Variants in BAZ2A observed in about 807,000 individuals in gnomAD.
The protein encoded by BAZ2A is bromodomain adjacent to zinc finger domain 2A.
A neutral mutation model predicts 199.9 loss-of-function variants in BAZ2A; 34 were observed. That is an observed-to-expected ratio of 0.17 (90% CI 0.13 to 0.23). BAZ2A has a LOEUF of 0.23. BAZ2A is among the 10% of genes least tolerant of loss of function. BAZ2A has a pLI of 1.00. For missense variants in BAZ2A, 2,002 were observed against 2,391.1 expected (o/e 0.84, Z 3.39); for synonymous variants, 857 against 883.9 (o/e 0.97, Z 0.54).
chr12:56,625,868 T>G (rs1157331217), intron 1 of BAZ2A, among the ~76,000 whole-genome samples: 1 of 89,684 alleles, frequency 1.1e-5, no homozygotes, highest in African/African-American at 5.1e-5. Context: ...ACAGCGAAAC[T>G]CCGTCTCAAA....
chr12:56,633,078 C>T (rs1951357417), upstream of BAZ2A, among the ~76,000 whole-genome samples: 1 of 152,110 alleles, frequency 6.6e-6, no homozygotes, highest in Admixed American at 6.6e-5. Flanking sequence ...GCTGAACCTC[C>T]CTCAAGCCAG....
intron 15 of BAZ2A, 73 bp downstream of exon 15, chr12:56,604,512 T>G: frequency 6.8e-7 from 1 of 1,468,590 alleles, no homozygotes; most frequent in Non-Finnish European, 9.2e-7. Context: ...TGAGGACTTC[T>G]GGAAGGCTAC....
Position 56,615,266 on chromosome 12 carries a change from A to C in BAZ2A, c.478T>G (p.Phe160Val). Reference sequence around the variant, plus strand: ...GAATCATACAGTTCTTGTGAATCAAAGTTAAGCCCCATGGGACTCTGGGTA... The same window carrying C: ...GAATCATACAGTTCTTGTGAATCAACGTTAAGCCCCATGGGACTCTGGGTA... ...NGTQSPMGLN[F>V]DSQELYDSFP... The change falls in exon 3 of 29, where the codon TTT (phenylalanine) becomes GTT (valine). Residue 160 changes from phenylalanine (F) to valine (V), a missense_variant. This residue lies in a region of BAZ2A where 641 missense variants were observed against 694.5 expected (regional missense o/e 0.92). Transcript: ENST00000549884. 1 of 1,613,966 alleles carries C rather than the reference A, an allele frequency of 6.2e-7. No homozygotes were observed. Among genetic ancestry groups the C allele is most frequent in the Non-Finnish European group, 8.5e-7 (1 of 1,179,876 alleles).
chr12:56,603,301 C>A, intron 18 of BAZ2A, 58 bp downstream of exon 18: 1 of 1,534,854 alleles, frequency 6.5e-7, no homozygotes, highest in Non-Finnish European at 8.9e-7. Context: ...AAAAAAGAAG[C>A]TGATCAATTC....
At position 56,610,499 on chromosome 12, in the gene BAZ2A, G is replaced by T. The variant is rs1950524706; in HGVS notation, c.1689C>A (p.Arg563=). The T allele has an allele frequency of 1.2e-6, 2 of 1,612,402 alleles. No homozygotes were observed. Among genetic ancestry groups the T allele is most frequent in the South Asian group, 2.2e-5 (2 of 90,732 alleles). Residue 563 remains arginine (R), a synonymous_variant, in exon 8 of 29, where the codon CGC becomes CGA. Transcript: ENST00000549884. ...PLQHGWRREV[R]IKKGSHRWQG... is the part of the protein sequence containing the mutation. Reference sequence around the variant, plus strand: ...GCCATCGGTGGCTGCCCTTCTTGATGCGCACCTCTCTCCGCCACCTGCCAG... The same window carrying T: ...GCCATCGGTGGCTGCCCTTCTTGATTCGCACCTCTCTCCGCCACCTGCCAG...
intron 5 of BAZ2A, among the ~76,000 whole-genome samples, chr12:56,612,692 G>A (rs1020302725): frequency 6.6e-6 from 1 of 151,978 alleles, no homozygotes; most frequent in African/African-American, 2.4e-5. Flanking sequence ...ACACAATCTC[G>A]GCTCACTGCA....
chr12:56,612,954 A>C (rs1018424504), intron 5 of BAZ2A, 61 bp downstream of exon 5: 45 of 1,515,568 alleles, frequency 3.0e-5, no homozygotes, highest in Non-Finnish European at 3.3e-5. Flanking sequence ...TAACTATGAA[A>C]CTTATTCTCT....
chr12:56,622,431 C>G (rs778649071), intron 1 of BAZ2A, among the ~76,000 whole-genome samples: 10 of 152,246 alleles, frequency 6.6e-5, no homozygotes, highest in African/African-American at 2.4e-4. Flanking sequence ...TCCTTATATA[C>G]AATTTGACTC....
At position 56,613,307 on chromosome 12, in the gene BAZ2A, G is replaced by A. The variant is rs899930814; in HGVS notation, c.917-74C>T. On this transcript the variant is annotated intron_variant, in intron 4 of 28. Transcript: ENST00000549884. ...AGAAAGCAAGATTTAAGAAACACTGGTCAGAAAACATCCAATTCTAGTTCC... is the reference window on the plus strand; with the variant it reads ...AGAAAGCAAGATTTAAGAAACACTGATCAGAAAACATCCAATTCTAGTTCC... 1.6e-5 allele frequency: 23 copies of A among 1,428,540 alleles called. No individual in the cohort carries two copies. The African/African-American group carries it at 3.1e-4, about 19-fold the overall frequency. The allele number at this position is 1,428,540 out of a possible 1,614,324, so 88.5% of individuals were successfully genotyped here. A position where few individuals can be genotyped will look rare whatever the true frequency, so the allele number is the denominator to read the frequency against.
Position 56,615,107 on chromosome 12 carries a change from G to T in BAZ2A, c.637C>A (p.Pro213Thr), listed in dbSNP as rs759676363. 1 of 1,613,886 alleles carries T rather than the reference G, an allele frequency of 6.2e-7. No homozygotes were observed. Among genetic ancestry groups the T allele is most frequent in the Non-Finnish European group, 8.5e-7 (1 of 1,179,884 alleles). Residue 213 changes from proline (P) to threonine (T), a missense_variant, in exon 3 of 29, where the codon CCT (proline) becomes ACT (threonine). Around this residue, in one of 6 missense-constraint regions of BAZ2A, gnomAD observed 641 missense variants for 694.5 expected, o/e 0.92. Coordinates refer to ENST00000549884, the MANE Select transcript of BAZ2A (RefSeq NM_001300905.2). ...PSQEVGSGIHPDEAAEKEMTS... is the reference protein window; with the variant it reads ...PSQEVGSGIHTDEAAEKEMTS... Reference sequence around the variant, plus strand: ...ATCTCCTTTTCTGCTGCCTCATCAGGATGGATACCACTGCCTACCTCCTGG... The same window carrying T: ...ATCTCCTTTTCTGCTGCCTCATCAGTATGGATACCACTGCCTACCTCCTGG...
In BAZ2A at chr12:56,606,740, G is replaced by C; in HGVS notation, c.2093-7C>G. The C allele has an allele frequency of 2.5e-6, 4 of 1,609,040 alleles. No individual in the cohort carries two copies. Among genetic ancestry groups the C allele is most frequent in the South Asian group, 1.1e-5 (1 of 90,960 alleles). ...TCCTCCTCATTCAATGTTTCTGTGA[G>C]AGCAGAAAGAAAAATGAAACAAGTG... is the stretch of plus-strand genomic sequence containing the variant. On this transcript the variant is annotated splice_region_variant and splice_polypyrimidine_tract_variant and intron_variant, in intron 10 of 28. Transcript: ENST00000549884.
chr12:56,614,844 C>T (rs1950666490), intron 3 of BAZ2A, 170 bp downstream of exon 3: 23 of 714,978 alleles, frequency 3.2e-5, no homozygotes, highest in Non-Finnish European at 5.1e-5. Flanking sequence ...GCTGGTGCTG[C>T]TGCCACAAAA....
intron 16 of BAZ2A, 127 bp downstream of exon 16, chr12:56,604,090 G>T: frequency 1.2e-6 from 1 of 847,270 alleles, no homozygotes; most frequent in East Asian, 2.7e-5. Flanking sequence ...AAACCATCCT[G>T]GGCCCTGGTA....
chr12:56,614,114 C>T lies in BAZ2A; in HGVS notation c.755G>A (p.Gly252Asp). The change falls in exon 4 of 29, where the codon GGC (glycine) becomes GAC (aspartate). Residue 252 changes from glycine to aspartate, a missense_variant. Around this residue, in one of 6 missense-constraint regions of BAZ2A, gnomAD observed 641 missense variants for 694.5 expected, o/e 0.92. Coordinates refer to ENST00000549884, the MANE Select transcript of BAZ2A (RefSeq NM_001300905.2). ...TAACGATTCCACAGAAGGGACAGAG[C>T]CATTGTAGCCACACATCTTCAGTTC... ...QPELKMCGYN[G>D]SVPSVESLHQ... 3 of 1,613,832 alleles carry T rather than the reference C, an allele frequency of 1.9e-6. No homozygotes were observed. Among genetic ancestry groups the T allele is most frequent in the Non-Finnish European group, 2.5e-6 (3 of 1,179,796 alleles).
chr12:56,633,865 T>C (rs1951379266), upstream of BAZ2A, among the ~76,000 whole-genome samples: 1 of 152,166 alleles, frequency 6.6e-6, no homozygotes, highest in Non-Finnish European at 1.5e-5. Flanking sequence ...CGATAGTAGC[T>C]GGGATTACAG....
At chr12:56,636,388 G>A (rs1592641105), upstream of BAZ2A, 29 of 1,316,760 alleles carry the variant, frequency 2.2e-5, 1 homozygote, top group South Asian at 4.2e-4. Flanking sequence ...CTGGGGTGGG[G>A]AGGGAGGAGG....
At chr12:56,612,918 A>G in intron 5 of BAZ2A, 97 bp downstream of exon 5, 1 of 1,368,686 alleles carries the variant, frequency 7.3e-7, no homozygotes, top group South Asian at 1.3e-5. Flanking sequence ...CACTGCGCCC[A>G]GCCAGATTTC....
intron 26 of BAZ2A, 150 bp from the exon 27 acceptor site, chr12:56,599,508 A>G (rs971107005): frequency 1.6e-6 from 2 of 1,220,976 alleles, no homozygotes; most frequent in African/African-American, 3.1e-5. Context: ...GAAGTAGGTA[A>G]AAGGGAAGGT....
intron 1 of BAZ2A, among the ~76,000 whole-genome samples, 175 bp from the exon 2 acceptor site, chr12:56,617,707 G>C (rs953247476): frequency 6.6e-6 from 1 of 152,146 alleles, no homozygotes; most frequent in African/African-American, 2.4e-5. Flanking sequence ...TATGCCTCTA[G>C]CCTGAGCAAT....
Sources: allele counts gnomAD v4.1 joint callset (sites outside exome capture counted in the v4.1 genomes callset), GRCh38; gene constraint gnomAD v4.1.1; regional missense constraint gnomAD v4.1.1; transcripts MANE v1.5; gene names NCBI Gene and HGNC (gene_info 2026-07-23, HGNC 2026-07-21).